Variants in KCNQ1OT1 observed in about 807,000 individuals in gnomAD.
KCNQ1OT1 encodes the protein KCNQ1 opposite strand/antisense transcript 1.
exon 1 of KCNQ1OT1, chr11:2,689,140 A>C (rs887568157): frequency 5.0e-6 from 2 of 398,710 alleles, no homozygotes; most frequent in Non-Finnish European, 8.8e-6. Flanking sequence ...TGAGACCCTA[A>C]GGAGAGCTAC....
At chr11:2,639,093 G>A (rs1271034821) in exon 1 of KCNQ1OT1, 1 of 151,840 alleles carries the variant, frequency 6.6e-6, no homozygotes, top group East Asian at 1.9e-4. Context: ...CTCTACACTG[G>A]TTATTCTAGT....
At chr11:2,656,987 C>T (rs1564847290) in exon 1 of KCNQ1OT1, 1 of 398,636 alleles carries the variant, frequency 2.5e-6, no homozygotes, top group Middle Eastern at 6.3e-4. Flanking sequence ...AGTCCATGCT[C>T]TTCCCAGGAT....
chr11:2,699,491 GA>G, exon 1 of KCNQ1OT1: 1 of 177,970 alleles, frequency 5.6e-6, no homozygotes, highest in African/African-American at 4.6e-5. Context: ...CCCCCGGGGA[GA>G]GTGCCGCGCT....
chr11:2,698,698 C>T lies in KCNQ1OT1; in HGVS notation n.1297G>A, dbSNP rs1366232018. ...TTCAGAACCTCTACCCAAAGACAGA[C>T]TCCAGACCCTGACTCCAGTCGCCAA... On this transcript the variant is annotated non_coding_transcript_exon_variant, in exon 1 of 1. Transcript: ENST00000597346. The surrounding 1 kb of genome is among the most constrained non-coding windows in gnomAD (Gnocchi z 5.1). The T allele has an allele frequency of 2.5e-6, 1 of 398,914 alleles. No individual in the cohort carries two copies. Among genetic ancestry groups the T allele is most frequent in the Non-Finnish European group, 4.4e-6 (1 of 226,254 alleles). 24.7% of individuals were successfully genotyped at this position (398,914 alleles called of 1,614,324 possible). A position where few individuals can be genotyped will look rare whatever the true frequency, so the allele number is the denominator to read the frequency against.
In KCNQ1OT1 at chr11:2,671,592, A is replaced by G; in HGVS notation, n.28403T>C. ...GCACTGAGCATTTATACAAGATCAG[A>G]CTGCACTGCACCCTAAGTATAAACC... On this transcript the variant is annotated non_coding_transcript_exon_variant, in exon 1 of 1. Transcript: ENST00000597346. The surrounding 1 kb of genome is among the most constrained non-coding windows in gnomAD (Gnocchi z 4.7). The G allele has an allele frequency of 2.5e-6, 1 of 398,616 alleles. No homozygotes were observed. Among genetic ancestry groups the G allele is most frequent in the Middle Eastern group, 6.3e-4 (1 of 1,588 alleles). The allele number at this position is 398,616 out of a possible 1,614,324, so 24.7% of individuals were successfully genotyped here. A position where few individuals can be genotyped will look rare whatever the true frequency, so the allele number is the denominator to read the frequency against.
Position 2,677,789 on chromosome 11 carries a change from C to T in KCNQ1OT1, n.22206G>A. ...GAGATCCTCCCTTTCCCCCCATTTC[C>T]AGCAGGATTAAAATGTTCATTTATG... On this transcript the variant is annotated non_coding_transcript_exon_variant, in exon 1 of 1. Coordinates refer to ENST00000597346, the Ensembl canonical transcript of KCNQ1OT1. The surrounding 1 kb of genome is among the most constrained non-coding windows in gnomAD (Gnocchi z 4.5). 2.5e-6 allele frequency: 1 copy of T among 398,468 alleles called. No homozygotes were observed. The allele number at this position is 398,468 out of a possible 1,614,324, so 24.7% of individuals were successfully genotyped here.
exon 1 of KCNQ1OT1, chr11:2,639,031 C>G (rs573192771): frequency 2.6e-5 from 4 of 152,322 alleles, no homozygotes; most frequent in African/African-American, 9.6e-5. Context: ...GTGCATTTGT[C>G]ACGTAGTTCT....
chr11:2,635,005 C>T (rs1422944426), exon 1 of KCNQ1OT1: 1 of 152,146 alleles, frequency 6.6e-6, no homozygotes, highest in African/African-American at 2.4e-5. Context: ...TGTTCATAAC[C>T]TTTGCCCACT....
At position 2,611,676 on chromosome 11, in the gene KCNQ1OT1, T is replaced by A; in HGVS notation, n.88319A>T. Reference sequence around the variant, plus strand: ...TTTAAGGCAGTCTGGCAATCTCTGCTCTTTATTGAGTTTTTAATTCACTTA... The same window carrying A: ...TTTAAGGCAGTCTGGCAATCTCTGCACTTTATTGAGTTTTTAATTCACTTA... On this transcript the variant is annotated non_coding_transcript_exon_variant, in exon 1 of 1. Coordinates refer to ENST00000597346, the Ensembl canonical transcript of KCNQ1OT1. This position sits in a 1 kb window ranked among gnomAD's most constrained non-coding sequence, Gnocchi z 5.3. The A allele has an allele frequency of 5.0e-6, 2 of 398,626 alleles. No homozygotes were observed. The highest frequency in any genetic ancestry group is 8.8e-6 in the Non-Finnish European group (2 of 226,050). The allele number at this position is 398,626 out of a possible 1,614,324, so 24.7% of individuals were successfully genotyped here.
rs1201395054 is a variant in KCNQ1OT1 at position 2,627,730 on chromosome 11, G to T, written n.72265C>A. Reference sequence around the variant, plus strand: ...TGTGATGTGTTTATTTGGGAATTTGGTGATACACACACACACACTATTTTC... The same window carrying T: ...TGTGATGTGTTTATTTGGGAATTTGTTGATACACACACACACACTATTTTC... On this transcript the variant is annotated non_coding_transcript_exon_variant, in exon 1 of 1. Transcript: ENST00000597346. This position sits in a 1 kb window ranked among gnomAD's most constrained non-coding sequence, Gnocchi z 4.9. 2.5e-6 allele frequency: 1 copy of T among 398,010 alleles called. No individual in the cohort carries two copies. The highest frequency in any genetic ancestry group is 4.4e-5 in the Admixed American group (1 of 22,642). The allele number at this position is 398,010 out of a possible 1,614,324, so 24.7% of individuals were successfully genotyped here.
chr11:2,682,601 T>C lies in KCNQ1OT1; in HGVS notation n.17394A>G. ...GGCAACCCAAGGCTGGTCTGGAGAG[T>C]GTAAGGCTTGAGAGCTCTTCTTCAG... On this transcript the variant is annotated non_coding_transcript_exon_variant, in exon 1 of 1. Transcript: ENST00000597346. This position sits in a 1 kb window ranked among gnomAD's most constrained non-coding sequence, Gnocchi z 5.8. 2.5e-6 allele frequency: 1 copy of C among 398,164 alleles called. No individual in the cohort carries two copies. 24.7% of individuals were successfully genotyped at this position (398,164 alleles called of 1,614,324 possible). A position where few individuals can be genotyped will look rare whatever the true frequency, so the allele number is the denominator to read the frequency against.
chr11:2,649,785 G>A (rs1481273601), exon 1 of KCNQ1OT1: 1 of 398,452 alleles, frequency 2.5e-6, no homozygotes, highest in Non-Finnish European at 4.4e-6. Flanking sequence ...CCCTTTTAGG[G>A]TTGAATCTAT....
exon 1 of KCNQ1OT1, chr11:2,609,227 A>G (rs1848934504): frequency 2.5e-6 from 1 of 398,090 alleles, no homozygotes; most frequent in South Asian, 1.3e-4. Flanking sequence ...TTGTATCTTC[A>G]TTTTCATTAA....
chr11:2,643,042 A>AAT (rs533967321), exon 1 of KCNQ1OT1: 20 of 397,738 alleles, frequency 5.0e-5, no homozygotes, highest in Admixed American at 8.8e-5. Flanking sequence ...TCCAATTTAA[A>AAT]ATATATATAT....
At position 2,620,112 on chromosome 11, in the gene KCNQ1OT1, T is replaced by C. The variant is rs1213414900; in HGVS notation, n.79883A>G. 1.3e-5 allele frequency: 5 copies of C among 398,168 alleles called. No homozygotes were observed. The highest frequency in any genetic ancestry group is 2.1e-5 in the African/African-American group (1 of 48,584). 24.7% of individuals were successfully genotyped at this position (398,168 alleles called of 1,614,324 possible). ...CACTTGCAAGTGGTAACATGCAGTATTTGGTTTTCTGTTCCTGCATTAATT... is the reference window on the plus strand; with the variant it reads ...CACTTGCAAGTGGTAACATGCAGTACTTGGTTTTCTGTTCCTGCATTAATT... On this transcript the variant is annotated non_coding_transcript_exon_variant, in exon 1 of 1. Transcript: ENST00000597346. The surrounding 1 kb of genome is among the most constrained non-coding windows in gnomAD (Gnocchi z 4.5).
At chr11:2,694,138 A>G (rs755010901) in exon 1 of KCNQ1OT1, 5 of 398,498 alleles carry the variant, frequency 1.3e-5, no homozygotes, top group African/African-American at 2.1e-5. Flanking sequence ...CAAACAAATT[A>G]TACTGCTGAC....
exon 1 of KCNQ1OT1, chr11:2,685,176 T>C (rs1473630651): frequency 1.5e-5 from 6 of 398,546 alleles, no homozygotes; most frequent in East Asian, 1.1e-4. Flanking sequence ...CCCATCTGCA[T>C]GGAATGCCCC....
chr11:2,693,070 A>G (rs1277684290), exon 1 of KCNQ1OT1: 2 of 398,686 alleles, frequency 5.0e-6, no homozygotes, highest in Admixed American at 4.4e-5. Context: ...CCAGTTAGCC[A>G]TAGAGGGGAA....
chr11:2,644,866 G>A (rs1429345509), exon 1 of KCNQ1OT1: 1 of 398,756 alleles, frequency 2.5e-6, no homozygotes, highest in Admixed American at 4.4e-5. Context: ...TGCAGTTGTT[G>A]GTGGAGGCTG....
Sources: allele counts gnomAD v4.1 joint callset, GRCh38; gene constraint gnomAD v4.1.1; non-coding constraint Gnocchi (gnomAD v3.1); transcripts MANE v1.5; gene names NCBI Gene and HGNC (gene_info 2026-07-23, HGNC 2026-07-21).